Variants in SSBP3 observed in about 807,000 individuals in gnomAD.
The protein encoded by SSBP3 is single-stranded DNA-binding protein 3.
Under a neutral mutation model 69.6 loss-of-function variants are expected in SSBP3, and 5 were observed. The ratio of observed to expected loss-of-function variants is 0.07; its 90% confidence interval spans 0.04 to 0.15. The LOEUF is 0.15. Among genes scored for constraint, SSBP3 ranks in the 10% least tolerant of loss-of-function variants. SSBP3 has a pLI of 1.00. For synonymous variants in SSBP3, 196 were observed against 193.4 expected, an observed-to-expected ratio of 1.01 and a Z score of -0.11; for missense variants, 312 against 534.0, an observed-to-expected ratio of 0.58 and a Z score of 4.10.
chr1:54,305,082 TGGCGGGAGGCGTGG>T (rs1645874824), intron 4 of SSBP3, among the ~76,000 whole-genome samples: 1 of 152,202 alleles, frequency 6.6e-6, no homozygotes, highest in Admixed American at 6.5e-5. Flanking sequence ...CATGTATGCC[TGGCGGGAGGCGTGG>T]CGTGGGAGGC....
At chr1:54,309,868 C>T (rs1015209925) in intron 4 of SSBP3, among the ~76,000 whole-genome samples, 2 of 152,150 alleles carry the variant, frequency 1.3e-5, no homozygotes, top group East Asian at 1.9e-4. Context: ...CTCGACAAGG[C>T]GCTTTCTTGT....
upstream of SSBP3, among the ~76,000 whole-genome samples, chr1:54,407,277 C>T (rs141000795): frequency 4.5e-4 from 69 of 152,248 alleles, no homozygotes; most frequent in Middle Eastern, 3.4e-3. Context: ...GAAAGGGTGC[C>T]ACTCGGAGAT....
intron 4 of SSBP3, among the ~76,000 whole-genome samples, chr1:54,396,674 T>C (rs1232186674): frequency 6.6e-6 from 1 of 152,162 alleles, no homozygotes; most frequent in Non-Finnish European, 1.5e-5. Context: ...GGCACAGAGC[T>C]AACTCTTGGT....
Position 54,326,960 on chromosome 1 carries a change from A to AGGT in SSBP3, c.277-45436_277-45434dup, listed in dbSNP as rs560705709. 2.7e-3 allele frequency among the ~76,000 whole-genome samples: 410 copies of AGGT among 150,194 alleles called. 2 individuals carry two copies. The highest frequency in any genetic ancestry group is 6.6e-3 in the Admixed American group (100 of 15,138). The stretch of plus-strand genomic sequence containing the variant: ...GACCTAGGAAACGGGGCCAAGGAGA[A>AGGT]GGTGGTGGTGGTGGTGGGTGGGGGG... On this transcript the variant is annotated intron_variant, in intron 4 of 17. Transcript: ENST00000610401.
At chr1:54,312,078 C>T (rs1232496585) in intron 4 of SSBP3, among the ~76,000 whole-genome samples, 1 of 152,182 alleles carries the variant, frequency 6.6e-6, no homozygotes, top group Non-Finnish European at 1.5e-5. Flanking sequence ...TTGCTGGGGG[C>T]AAGTGGCCAA....
intron 5 of SSBP3, among the ~76,000 whole-genome samples, chr1:54,275,204 C>T (rs1267897358): frequency 6.6e-6 from 1 of 152,222 alleles, no homozygotes; most frequent in East Asian, 1.9e-4. Flanking sequence ...GACGACCAAG[C>T]AAGCCCGTCC....
intron 5 of SSBP3, among the ~76,000 whole-genome samples, chr1:54,280,549 G>A (rs1384484360): frequency 3.3e-5 from 5 of 151,968 alleles, no homozygotes; most frequent in East Asian, 3.9e-4. Context: ...GAACTCGGGC[G>A]GATTCTCAAA....
intron 4 of SSBP3, among the ~76,000 whole-genome samples, chr1:54,346,896 C>T (rs537458567): frequency 6.6e-6 from 1 of 152,238 alleles, no homozygotes; most frequent in South Asian, 2.1e-4. Context: ...TCCCCAACCC[C>T]ACCTCACAGA....
At chr1:54,404,516 A>G in intron 3 of SSBP3, 60 bp downstream of exon 3, 2 of 1,592,196 alleles carry the variant, frequency 1.3e-6, no homozygotes, top group Non-Finnish European at 1.7e-6. Context: ...TTCTTTGTTC[A>G]CTTGGACCCA....
intron 4 of SSBP3, among the ~76,000 whole-genome samples, chr1:54,376,138 C>T (rs1410023957): frequency 6.6e-6 from 1 of 152,078 alleles, no homozygotes; most frequent in Non-Finnish European, 1.5e-5. Flanking sequence ...CCTCCTCCTC[C>T]CTTAGTCTCT....
chr1:54,265,011 A>C (rs1456752359), intron 5 of SSBP3, among the ~76,000 whole-genome samples: 1 of 152,222 alleles, frequency 6.6e-6, no homozygotes, highest in East Asian at 1.9e-4. Context: ...AATTATACAC[A>C]GCAAAAGGCA....
rs1345150728 is a variant in SSBP3 at position 54,258,649 on chromosome 1, T to C, written c.367-500A>G. 1.3e-5 allele frequency among the ~76,000 whole-genome samples: 2 copies of C among 152,056 alleles called. No individual in the cohort carries two copies. The highest frequency in any genetic ancestry group is 2.9e-5 in the Non-Finnish European group (2 of 68,006). ...GGCTATGGGTGACTCGAGGCAGTAC[T>C]GATCAAGTGTCAGGGAGAGGCCCAG... On this transcript the variant is annotated intron_variant, in intron 5 of 17. Coordinates refer to ENST00000610401, the Ensembl canonical transcript of SSBP3. The surrounding 1 kb of genome is among the most constrained non-coding windows in gnomAD (Gnocchi z 4.5).
intron 4 of SSBP3, among the ~76,000 whole-genome samples, chr1:54,365,044 A>T (rs1647007518): frequency 6.6e-6 from 1 of 152,236 alleles, no homozygotes; most frequent in South Asian, 2.1e-4. Flanking sequence ...ACAGAGGGGC[A>T]GGAGGGAGGG....
intron 5 of SSBP3, among the ~76,000 whole-genome samples, chr1:54,273,107 A>C (rs1373973857): frequency 1.3e-5 from 2 of 152,266 alleles, no homozygotes; most frequent in Non-Finnish European, 2.9e-5. Flanking sequence ...GTTAGGGGGC[A>C]GTCAAGGCCC....
intron 9 of SSBP3, among the ~76,000 whole-genome samples, chr1:54,249,137 C>T (rs1283411243): frequency 6.6e-6 from 1 of 152,100 alleles, no homozygotes; most frequent in Non-Finnish European, 1.5e-5. Flanking sequence ...AGACATCCAC[C>T]ACACCCAGAG....
At chr1:54,398,100 G>T (rs1429567826) in intron 4 of SSBP3, among the ~76,000 whole-genome samples, 1 of 152,198 alleles carries the variant, frequency 6.6e-6, no homozygotes, top group Non-Finnish European at 1.5e-5. Flanking sequence ...GGCAGAACTA[G>T]AAAGATAGAG....
chr1:54,266,267 G>A (rs1433547178), intron 5 of SSBP3, among the ~76,000 whole-genome samples: 1 of 152,198 alleles, frequency 6.6e-6, no homozygotes, highest in Non-Finnish European at 1.5e-5. Flanking sequence ...GCTGGTCTTG[G>A]CTGCAGCACA....
In SSBP3 at chr1:54,241,995, G is replaced by A. The variant is rs141950815; in HGVS notation, c.765+169C>T. 4.1e-3 allele frequency among the ~76,000 whole-genome samples: 618 copies of A among 152,238 alleles called. 5 individuals are homozygous for A. Among genetic ancestry groups the A allele is most frequent in the Non-Finnish European group, 4.0e-3 (274 of 67,992 alleles). Reference sequence around the variant, plus strand: ...AGGGGTGGAGCCCTTGATGACCCCTGCACATTACTCCCAGGCCTCCACCTC... The same window carrying A: ...AGGGGTGGAGCCCTTGATGACCCCTACACATTACTCCCAGGCCTCCACCTC... On this transcript the variant is annotated intron_variant, in intron 11 of 17. Coordinates refer to ENST00000610401, the Ensembl canonical transcript of SSBP3.
intron 4 of SSBP3, among the ~76,000 whole-genome samples, chr1:54,351,105 G>A (rs1276626635): frequency 6.6e-6 from 1 of 152,152 alleles, no homozygotes; most frequent in East Asian, 1.9e-4. Context: ...GGCATAACAA[G>A]TGTGAGCCAC....
Sources: gnomAD v4.1 joint callset for allele counts (sites outside exome capture counted in the v4.1 genomes callset) on GRCh38, gnomAD v4.1.1 for gene constraint, Gnocchi (gnomAD v3.1) non-coding constraint, MANE v1.5 for transcripts, NCBI Gene and HGNC (gene_info 2026-07-23, HGNC 2026-07-21) for gene names.